Variants in TTC8 observed in about 807,000 individuals in gnomAD.
The protein encoded by TTC8 is tetratricopeptide repeat domain 8.
A neutral mutation model predicts 72.5 loss-of-function variants in TTC8; 47 were observed. The ratio of observed to expected loss-of-function variants is 0.65; its 90% CI spans 0.51 to 0.83. The LOEUF is 0.83. TTC8 is among the 40% of genes least tolerant of loss of function. The pLI is 0.00. For missense variants in TTC8, 611 were observed against 623.2 expected (o/e 0.98, Z 0.21); for synonymous variants, 199 against 221.4 (o/e 0.90, Z 0.90).
chr14:88,876,341 T>C (rs976523144), intron 14 of TTC8, among the ~76,000 whole-genome samples: 1 of 152,242 alleles, frequency 6.6e-6, no homozygotes, highest in African/African-American at 2.4e-5. Context: ...TAATTTCTGT[T>C]TTAATACGTA....
chr14:88,861,549 A>G (rs2094885987), intron 10 of TTC8, among the ~76,000 whole-genome samples: 1 of 152,210 alleles, frequency 6.6e-6, no homozygotes, highest in Non-Finnish European at 1.5e-5. Flanking sequence ...ATTGTTAACC[A>G]TAATTTCCCT....
At chr14:88,861,773 A>AATT (rs1334202196) in intron 10 of TTC8, among the ~76,000 whole-genome samples, 20 of 152,200 alleles carry the variant, frequency 1.3e-4, no homozygotes, top group African/African-American at 4.6e-4. Flanking sequence ...CACTTAACAT[A>AATT]ATGACTTCCA....
chr14:88,840,153 G>T (rs1311396015), intron 3 of TTC8: 1 of 159,362 alleles, frequency 6.3e-6, no homozygotes, highest in African/African-American at 2.4e-5. Context: ...GGTACAAATG[G>T]TATTGGATAA....
chr14:88,838,919 G>A (rs2094765995), intron 2 of TTC8, among the ~76,000 whole-genome samples: 1 of 149,764 alleles, frequency 6.7e-6, no homozygotes, highest in Non-Finnish European at 1.5e-5. Flanking sequence ...TAGATATTAT[G>A]GAAAATTCCA....
chr14:88,859,427 C>A (rs1333997587), intron 9 of TTC8, among the ~76,000 whole-genome samples: 11 of 152,196 alleles, frequency 7.2e-5, no homozygotes, highest in Non-Finnish European at 1.3e-4. Context: ...CAGAAAACCA[C>A]ATACCTCATG....
chr14:88,862,582 A>C (rs1366211205), intron 10 of TTC8, among the ~76,000 whole-genome samples: 1 of 71,602 alleles, frequency 1.4e-5, no homozygotes. Context: ...ATATATATAT[A>C]TATATATATA....
intron 2 of TTC8, among the ~76,000 whole-genome samples, chr14:88,837,362 C>G (rs1384735380): frequency 6.6e-6 from 1 of 152,190 alleles, no homozygotes; most frequent in African/African-American, 2.4e-5. Flanking sequence ...TCCCAGGTAG[C>G]TGGACACATT....
At chr14:88,858,672 C>A (rs993323558) in intron 9 of TTC8, among the ~76,000 whole-genome samples, 5 of 151,502 alleles carry the variant, frequency 3.3e-5, no homozygotes, top group African/African-American at 1.2e-4. Flanking sequence ...CGGCTCACTG[C>A]AGCCTTGACT....
At chr14:88,858,421 A>G (rs2094867373) in intron 9 of TTC8, among the ~76,000 whole-genome samples, 1 of 152,230 alleles carries the variant, frequency 6.6e-6, no homozygotes, top group African/African-American at 2.4e-5. Flanking sequence ...GATGAGATAT[A>G]AAAGGAAGTG....
Position 88,841,191 on chromosome 14 carries a change from G to C in TTC8, c.484G>C (p.Gly162Arg), listed in dbSNP as rs753150258. 24 of 1,613,896 alleles carry C rather than the reference G, an allele frequency of 1.5e-5. 1 individual carries two copies. In the Admixed American group the frequency reaches 4.0e-4, roughly 27 times the overall value. ...CTCCTCCGGAAGATTTGTCAGGCTG[G>C]GAACGGTAAATTCTATCAGCTTTCC... The part of the protein sequence containing the change: ...TSSSGRFVRL[G>R]TASMLTSPDG... The change falls in exon 5 of 15, where the codon GGA (glycine) becomes CGA (arginine). Residue 162 changes from glycine to arginine, a missense_variant. Physicochemically the swap from Gly to Arg is moderately radical, Grantham distance 125 (BLOSUM62 -2). Transcript: ENST00000380656.
At chr14:88,870,345 T>A (rs1242515768) in intron 11 of TTC8, 147 bp downstream of exon 11, 1 of 917,572 alleles carries the variant, frequency 1.1e-6, no homozygotes, top group Admixed American at 1.9e-5. Flanking sequence ...ATAATGAGCA[T>A]TGAAGTGACA....
intron 9 of TTC8, among the ~76,000 whole-genome samples, chr14:88,859,895 T>TA (rs1566850347): frequency 6.0e-5 from 7 of 117,190 alleles, no homozygotes; most frequent in South Asian, 7.3e-4. Flanking sequence ...ATATAATATA[T>TA]AATATAATAT....
At chr14:88,844,170 TTAGTCCA>T (rs2094794979) in intron 7 of TTC8, among the ~76,000 whole-genome samples, 1 of 152,228 alleles carries the variant, frequency 6.6e-6, no homozygotes, top group Non-Finnish European at 1.5e-5. Flanking sequence ...GTTTATTTCC[TTAGTCCA>T]TATAGTATAT....
intron 1 of TTC8, among the ~76,000 whole-genome samples, chr14:88,830,025 A>G (rs909157227): frequency 6.6e-6 from 1 of 152,196 alleles, no homozygotes; most frequent in East Asian, 1.9e-4. Context: ...CTGCGTGGTC[A>G]CTAGATCTCT....
intron 1 of TTC8, among the ~76,000 whole-genome samples, chr14:88,831,974 C>T (rs1236940298): frequency 6.6e-6 from 1 of 152,032 alleles, no homozygotes; most frequent in African/African-American, 2.4e-5. Flanking sequence ...TAGGTGCCTC[C>T]CCCTCTAGAA....
At position 88,872,340 on chromosome 14, in the gene TTC8, A is replaced by T. The variant is rs1566859873; in HGVS notation, c.1235A>T (p.Asp412Val). The T allele has an allele frequency of 6.2e-7, 1 of 1,613,786 alleles. No homozygotes were observed. The highest frequency in any genetic ancestry group is 1.1e-5 in the South Asian group (1 of 91,074). ...NLGHVAVGIGDTNLAHQCFRL... is the reference protein window; with the variant it reads ...NLGHVAVGIGVTNLAHQCFRL... ...GGCTTTCTTTTGTAGGGAATAGGAG[A>T]TACAAATTTGGCCCATCAGTGCTTC... is the stretch of plus-strand genomic sequence containing the variant. The change falls in exon 13 of 15, where the codon GAT (aspartate) becomes GTT (valine). Residue 412 changes from aspartate (D) to valine (V), a missense_variant. Physicochemically the swap from Asp to Val is radical, Grantham distance 152. Coordinates refer to ENST00000380656, the MANE Select transcript of TTC8 (RefSeq NM_144596.4).
chr14:88,844,060 T>C (rs967986332), intron 7 of TTC8, among the ~76,000 whole-genome samples: 4 of 152,182 alleles, frequency 2.6e-5, no homozygotes, highest in African/African-American at 7.2e-5. Flanking sequence ...TCATAGAGTA[T>C]GTAGATCTCC....
Position 88,877,539 on chromosome 14 carries a change from G to A in TTC8, c.*129G>A, listed in dbSNP as rs966790096. On this transcript the variant is annotated 3_prime_UTR_variant, in exon 15 of 15. Transcript: ENST00000380656. Reference sequence around the variant, plus strand: ...CAAACCTGTCCTTGATATTAGTTAAGGTGACACATAAGGGTGACACAGAAT... The same window carrying A: ...CAAACCTGTCCTTGATATTAGTTAAAGTGACACATAAGGGTGACACAGAAT... 3 of 768,880 alleles carry A rather than the reference G, an allele frequency of 3.9e-6. No individual in the cohort carries two copies. Among genetic ancestry groups the A allele is most frequent in the Non-Finnish European group, 4.6e-6 (2 of 431,338 alleles). 47.6% of individuals were successfully genotyped at this position (768,880 alleles called of 1,614,324 possible).
Position 88,853,039 on chromosome 14 carries a change from T to A in TTC8, c.693T>A (p.Ile231=). 1 of 1,613,072 alleles carries A rather than the reference T, an allele frequency of 6.2e-7. No homozygotes were observed. Among genetic ancestry groups the A allele is most frequent in the Non-Finnish European group, 8.5e-7 (1 of 1,179,250 alleles). The change falls in exon 8 of 15, where the codon ATT becomes ATA. Residue 231 remains isoleucine (I), a synonymous_variant. Coordinates refer to ENST00000380656, the MANE Select transcript of TTC8 (RefSeq NM_144596.4). ...QYKDWWWKVQ[I]GKCYYRLGMY... ...AGGACTGGTGGTGGAAAGTACAGAT[T>A]GGAAAATGTTACTACAGGTAAATTT...
Sources: allele counts gnomAD v4.1 joint callset (sites outside exome capture counted in the v4.1 genomes callset), GRCh38; gene constraint gnomAD v4.1.1; transcripts MANE v1.5; gene names NCBI Gene and HGNC (gene_info 2026-07-23, HGNC 2026-07-21).